GRB10: variants seen among roughly 807,000 people sequenced by gnomAD.
GRB10 encodes the protein growth factor receptor bound protein 10.
Under a neutral mutation model 80.9 loss-of-function variants are expected in GRB10, and 20 were observed. The ratio of observed to expected loss-of-function variants is 0.25; its 90% CI spans 0.17 to 0.36. The LOEUF is 0.36. GRB10 is among the 10% of genes least tolerant of loss of function. The pLI is 1.00. For synonymous variants in GRB10, 291 were observed against 291.5 expected, an observed-to-expected ratio of 1.00 and a Z score of 0.02; for missense variants, 548 against 747.7, an observed-to-expected ratio of 0.73 and a Z score of 3.12.
At chr7:50,664,863 T>C (rs2059641805) in intron 7 of GRB10, among the ~76,000 whole-genome samples, 1 of 152,244 alleles carries the variant, frequency 6.6e-6, no homozygotes, top group Admixed American at 6.5e-5. Flanking sequence ...AAATACCCTG[T>C]TGATTTTTAC....
chr7:50,716,759 A>G (rs1473274679), intron 4 of GRB10, among the ~76,000 whole-genome samples: 1 of 152,138 alleles, frequency 6.6e-6, no homozygotes, highest in African/African-American at 2.4e-5. Context: ...ACCAATCTCC[A>G]AAGACACACT....
intron 7 of GRB10, among the ~76,000 whole-genome samples, chr7:50,642,983 C>T (rs984101939): frequency 6.6e-6 from 1 of 152,186 alleles, no homozygotes; most frequent in Non-Finnish European, 1.5e-5. Context: ...GACACAGTCT[C>T]AAATCATCTT....
chr7:50,599,618 C>T (rs748370453), intron 17 of GRB10, among the ~76,000 whole-genome samples: 10 of 152,166 alleles, frequency 6.6e-5, no homozygotes, highest in East Asian at 1.9e-4. Context: ...CCAGGGAGGA[C>T]GGAGAGGAAC....
chr7:50,609,827 T>A (rs2049189487), intron 13 of GRB10, among the ~76,000 whole-genome samples: 1 of 152,192 alleles, frequency 6.6e-6, no homozygotes, highest in South Asian at 2.1e-4. Flanking sequence ...CAGGAAGAAA[T>A]GAGACAAAAG....
chr7:50,769,212 T>G (rs1378289418), intron 2 of GRB10, among the ~76,000 whole-genome samples: 1 of 152,206 alleles, frequency 6.6e-6, no homozygotes. Flanking sequence ...ATTTGAGCCA[T>G]TGAAAGAGTC....
chr7:50,690,204 G>A (rs535587207), intron 5 of GRB10, among the ~76,000 whole-genome samples: 1 of 152,152 alleles, frequency 6.6e-6, no homozygotes, highest in East Asian at 1.9e-4. Context: ...GCTGAGGCAG[G>A]AGAATCGCTT....
At chr7:50,764,572 A>G (rs930268265) in intron 2 of GRB10, among the ~76,000 whole-genome samples, 1 of 152,208 alleles carries the variant, frequency 6.6e-6, no homozygotes, top group African/African-American at 2.4e-5. Context: ...CCACAGGGAC[A>G]TGAGCTCTGG....
rs1000467636 is a variant in GRB10 at position 50,766,306 on chromosome 7, T to A, written c.-216-10250A>T. 5.3e-5 allele frequency among the ~76,000 whole-genome samples: 8 copies of A among 152,240 alleles called. No individual in the cohort carries two copies. The East Asian group carries it at 1.5e-3, about 29-fold the overall frequency. On this transcript the variant is annotated intron_variant, in intron 2 of 18. Coordinates refer to ENST00000401949, the MANE Select transcript of GRB10 (RefSeq NM_001350814.2). ...ATCACTGCTCTATACCTAAACACAATGAGGCTATTAAGTGCTTGAGGCCAA... is the reference window on the plus strand; with the variant it reads ...ATCACTGCTCTATACCTAAACACAAAGAGGCTATTAAGTGCTTGAGGCCAA...
chr7:50,710,925 C>T, intron 4 of GRB10: 1 of 1,612,196 alleles, frequency 6.2e-7, no homozygotes. Flanking sequence ...CTCTCTCTCC[C>T]TCTCTCTACA....
chr7:50,666,658 G>A (rs2059837370), intron 7 of GRB10, among the ~76,000 whole-genome samples: 1 of 152,178 alleles, frequency 6.6e-6, no homozygotes, highest in Non-Finnish European at 1.5e-5. Context: ...CCACATCATG[G>A]TAGTTGCTTG....
upstream of GRB10, among the ~76,000 whole-genome samples, chr7:50,786,787 T>C (rs2078711070): frequency 6.6e-6 from 1 of 152,064 alleles, no homozygotes; most frequent in Non-Finnish European, 1.5e-5. Context: ...AGAAAAGTCA[T>C]GAGATCCAAG....
intron 13 of GRB10, among the ~76,000 whole-genome samples, chr7:50,609,717 G>C (rs897697195): frequency 3.3e-5 from 5 of 152,230 alleles, no homozygotes; most frequent in African/African-American, 1.2e-4. Flanking sequence ...CTAGAAGACA[G>C]AGGGAGGAGG....
At chr7:50,715,186 T>TG (rs1273381348) in intron 4 of GRB10, among the ~76,000 whole-genome samples, 1 of 151,158 alleles carries the variant, frequency 6.6e-6, no homozygotes, top group African/African-American at 2.4e-5. Context: ...AGCTCCAGCC[T>TG]GGGGCTCCCA....
At position 50,595,628 on chromosome 7, in the gene GRB10, C is replaced by CACACACACACACAT. The variant is rs1702526730; in HGVS notation, c.1545-99_1545-98insATGTGTGTGTGTGT. The stretch of plus-strand genomic sequence containing the variant: ...ACACACACACACACACACACACACA[C>CACACACACACACAT]ACACACACAGGCTTGGAGCCACAAT... On this transcript the variant is annotated intron_variant, in intron 17 of 18. Transcript: ENST00000401949. 2 of 773,712 alleles carry CACACACACACACAT rather than the reference C, an allele frequency of 2.6e-6. 1 individual carries two copies. The highest frequency in any genetic ancestry group is 4.6e-6 in the Non-Finnish European group (2 of 434,802). 47.9% of individuals were successfully genotyped at this position (773,712 alleles called of 1,614,324 possible).
chr7:50,601,712 A>G (rs1350206902), intron 17 of GRB10, among the ~76,000 whole-genome samples: 1 of 152,178 alleles, frequency 6.6e-6, no homozygotes, highest in African/African-American at 2.4e-5. Context: ...AAAATCCTGT[A>G]ATCTCAAATT....
Position 50,712,096 on chromosome 7 carries a change from G to GA in GRB10, c.52-8189dup, listed in dbSNP as rs34421102. ...AAACTCCACAAGGCTGAAAAAGGCT[G>GA]AAAAAAAAAATCCTAAAACATTAGT... On this transcript the variant is annotated intron_variant, in intron 4 of 18. Coordinates refer to ENST00000401949, the MANE Select transcript of GRB10 (RefSeq NM_001350814.2). 5.1e-3 allele frequency among the ~76,000 whole-genome samples: 761 copies of GA among 149,498 alleles called. 8 individuals are homozygous for GA. The highest frequency in any genetic ancestry group is 0.023 in the South Asian group (109 of 4,698).
At chr7:50,690,035 G>T (rs1168081589) in intron 5 of GRB10, among the ~76,000 whole-genome samples, 2 of 151,748 alleles carry the variant, frequency 1.3e-5, no homozygotes, top group Non-Finnish European at 2.9e-5. Flanking sequence ...GGTGGCTCAC[G>T]CCTGTAATCC....
Position 50,782,738 on chromosome 7 carries a change from C to T in GRB10, c.-641G>A, listed in dbSNP as rs1363827836. On this transcript the variant is annotated 5_prime_UTR_variant, in exon 1 of 19. Transcript: ENST00000401949. The surrounding 1 kb of genome is among the most constrained non-coding windows in gnomAD (Gnocchi z 6.6). ...TGCCGCGCCACCGCCCGAGCGTGCC[C>T]GGGGGCTCCCAGCGCCATCACCACG... The T allele has an allele frequency of 1.3e-5, 2 of 152,008 alleles. No homozygotes were observed. Among genetic ancestry groups the T allele is most frequent in the African/African-American group, 2.4e-5 (1 of 41,416 alleles). 9.4% of individuals were successfully genotyped at this position (152,008 alleles called of 1,614,324 possible).
At chr7:50,779,971 G>A (rs918638154) in intron 2 of GRB10, among the ~76,000 whole-genome samples, 2 of 152,102 alleles carry the variant, frequency 1.3e-5, no homozygotes, top group Non-Finnish European at 2.9e-5. Flanking sequence ...CCCCCTGACC[G>A]AGGAGGCAGA....
Sources: allele counts gnomAD v4.1 joint callset (sites outside exome capture counted in the v4.1 genomes callset), GRCh38; gene constraint gnomAD v4.1.1; non-coding constraint Gnocchi (gnomAD v3.1); transcripts MANE v1.5; gene names NCBI Gene and HGNC (gene_info 2026-07-23, HGNC 2026-07-21).